The following AGPAT5 variants were observed in gnomAD, a reference collection of about 807,000 sequenced individuals.
AGPAT5 encodes the protein 1-acyl-sn-glycerol-3-phosphate acyltransferase epsilon.
In AGPAT5, 46 loss-of-function variants were observed where a neutral mutation model predicts 45.6. The ratio of observed to expected loss-of-function variants is 1.01; its 90% CI spans 0.80 to 1.29. The LOEUF (loss-of-function observed/expected upper bound fraction) is 1.29. Among genes scored for constraint, AGPAT5 ranks in the 50% most tolerant of loss-of-function variants. The pLI is 0.00. For missense variants in AGPAT5, 673 were observed against 450.7 expected (o/e 1.49, Z -4.47); for synonymous variants, 272 against 167.0 (o/e 1.63, Z -4.85).
At chr8:6,711,910 TC>T (rs1800167647) in intron 1 of AGPAT5, among the ~76,000 whole-genome samples, 1 of 152,222 alleles carries the variant, frequency 6.6e-6, no homozygotes, top group African/African-American at 2.4e-5. Flanking sequence ...ACCTGGATAT[TC>T]CGGGATGATC....
At chr8:6,743,352 C>G (rs1467204226) in intron 5 of AGPAT5, among the ~76,000 whole-genome samples, 1 of 152,210 alleles carries the variant, frequency 6.6e-6, no homozygotes, top group East Asian at 1.9e-4. Flanking sequence ...AACTCTGGAC[C>G]CATTTGTACA....
At chr8:6,736,498 A>C (rs1332685685) in intron 4 of AGPAT5, among the ~76,000 whole-genome samples, 1 of 152,206 alleles carries the variant, frequency 6.6e-6, no homozygotes, top group East Asian at 1.9e-4. Context: ...TCAGTGCCTA[A>C]AGTCTTGTCT....
At chr8:6,754,035 C>T (rs1372082862) in intron 6 of AGPAT5, among the ~76,000 whole-genome samples, 2 of 152,174 alleles carry the variant, frequency 1.3e-5, no homozygotes, top group African/African-American at 4.8e-5. Flanking sequence ...AACGCATTTT[C>T]AATTTGAGGC....
chr8:6,741,419 C>A (rs948630422), intron 4 of AGPAT5, among the ~76,000 whole-genome samples: 1 of 152,102 alleles, frequency 6.6e-6, no homozygotes, highest in African/African-American at 2.4e-5. Flanking sequence ...TTTTTAGATT[C>A]TTCATGGCTG....
chr8:6,749,181 A>G (rs1171181528), intron 6 of AGPAT5, among the ~76,000 whole-genome samples: 2 of 152,224 alleles, frequency 1.3e-5, no homozygotes, highest in African/African-American at 4.8e-5. Context: ...TTAAATAATG[A>G]TAAGATGAGG....
In AGPAT5 at chr8:6,757,472, T is replaced by A; in HGVS notation, c.*84T>A. The A allele has an allele frequency of 5.6e-6, 6 of 1,063,550 alleles. No individual in the cohort carries two copies. The highest frequency in any genetic ancestry group is 8.5e-6 in the Non-Finnish European group (6 of 704,916). 65.9% of individuals were successfully genotyped at this position (1,063,550 alleles called of 1,614,324 possible). ...CATGACATCAAATTGTTTCCTGAATTTATTAAGGAGTGTAAATAAAGCCTT... is the reference window on the plus strand; with the variant it reads ...CATGACATCAAATTGTTTCCTGAATATATTAAGGAGTGTAAATAAAGCCTT... On this transcript the variant is annotated 3_prime_UTR_variant, in exon 8 of 8. Coordinates refer to ENST00000285518, the MANE Select transcript of AGPAT5 (RefSeq NM_018361.5).
rs1280520192 is a variant in AGPAT5, at chr8:6,757,216, C to T, written c.923C>T (p.Pro308Leu). 1 of 1,614,090 alleles carries T rather than the reference C, an allele frequency of 6.2e-7. No individual in the cohort carries two copies. The highest frequency in any genetic ancestry group is 1.7e-5 in the Admixed American group (1 of 60,014). ...SPDPERRKRF[P>L]GKSVNSKLSI... ...GATCCAGAAAGAAGAAAAAGATTTCCTGGGAAAAGTGTTAATTCCAAATTA... is the reference window on the plus strand; with the variant it reads ...GATCCAGAAAGAAGAAAAAGATTTCTTGGGAAAAGTGTTAATTCCAAATTA... The change falls in exon 8 of 8, where the codon CCT (proline) becomes CTT (leucine). Residue 308 changes from proline (P) to leucine (L), a missense_variant. Physicochemically the swap from Pro to Leu is moderately conservative, Grantham distance 98 (BLOSUM62 -3). Coordinates refer to ENST00000285518, the MANE Select transcript of AGPAT5 (RefSeq NM_018361.5).
chr8:6,725,013 A>G, intron 2 of AGPAT5, 74 bp downstream of exon 2: 1 of 502,104 alleles, frequency 2.0e-6, no homozygotes, highest in East Asian at 4.0e-5. Context: ...CCGTTCTTAT[A>G]TTTAAATGAA....
intron 5 of AGPAT5, among the ~76,000 whole-genome samples, chr8:6,742,084 T>C (rs1423885129): frequency 6.6e-6 from 1 of 152,186 alleles, no homozygotes; most frequent in African/African-American, 2.4e-5. Context: ...GGAGCTTCTG[T>C]TTTGTAAGAT....
At chr8:6,726,649 A>AG (rs1323774262) in intron 2 of AGPAT5, among the ~76,000 whole-genome samples, 3 of 152,212 alleles carry the variant, frequency 2.0e-5, no homozygotes, top group Non-Finnish European at 4.4e-5. Context: ...ATTAAAAAAA[A>AG]CAATTCTGCA....
Position 6,732,597 on chromosome 8 carries a change from A to C in AGPAT5, c.442A>C (p.Asn148His). 1 of 1,611,204 alleles carries C rather than the reference A, an allele frequency of 6.2e-7. No homozygotes were observed. Among genetic ancestry groups the C allele is most frequent in the Non-Finnish European group, 8.5e-7 (1 of 1,179,272 alleles). ...GIYVKRSAKF[N>H]EKEMRNKLQS... is the part of the protein sequence containing the mutation. ...CTATGTAAAGCGCAGTGCCAAATTT[A>C]ACGAGAAAGAGATGCGAAACAAGTT... Residue 148 changes from asparagine to histidine, a missense_variant, in exon 4 of 8, where the codon AAC becomes CAC. Asn to His is a moderately conservative substitution (Grantham distance 68). Transcript: ENST00000285518.
At chr8:6,720,434 C>G (rs1401636926) in intron 1 of AGPAT5, among the ~76,000 whole-genome samples, 1 of 152,120 alleles carries the variant, frequency 6.6e-6, no homozygotes, top group Non-Finnish European at 1.5e-5. Context: ...GGGGCGTTAC[C>G]ACACACTTGA....
At chr8:6,709,468 T>G (rs561126285) in intron 1 of AGPAT5, 1 of 153,328 alleles carries the variant, frequency 6.5e-6, no homozygotes, top group Admixed American at 6.4e-5. Flanking sequence ...TTTCTGTTAC[T>G]GTTTCTCTGT....
At chr8:6,718,637 G>C (rs1048027614) in intron 1 of AGPAT5, among the ~76,000 whole-genome samples, 8 of 152,190 alleles carry the variant, frequency 5.3e-5, no homozygotes, top group African/African-American at 1.7e-4. Flanking sequence ...TCCATGGATA[G>C]CCCACTACTA....
At chr8:6,749,954 T>A (rs1801605582) in intron 6 of AGPAT5, among the ~76,000 whole-genome samples, 1 of 152,192 alleles carries the variant, frequency 6.6e-6, no homozygotes, top group African/African-American at 2.4e-5. Context: ...CTTCCTCCTG[T>A]GCTGTGCCGT....
At position 6,725,033 on chromosome 8, in the gene AGPAT5, T is replaced by C. The variant is rs764385986; in HGVS notation, c.289+94T>C. The C allele has an allele frequency of 4.4e-5, 18 of 405,802 alleles. 1 individual carries two copies. In the South Asian group the frequency reaches 8.6e-4, roughly 19 times the overall value. The allele number at this position is 405,802 out of a possible 1,614,324, so 25.1% of individuals were successfully genotyped here. ...CTTATATTTAAATGAAGTGGGTTTTTTAAAACAGCAATTTTCTGTGCAGAT... is the reference window on the plus strand; with the variant it reads ...CTTATATTTAAATGAAGTGGGTTTTCTAAAACAGCAATTTTCTGTGCAGAT... On this transcript the variant is annotated intron_variant, in intron 2 of 7. Coordinates refer to ENST00000285518, the MANE Select transcript of AGPAT5 (RefSeq NM_018361.5).
chr8:6,714,949 C>G (rs1800271640), intron 1 of AGPAT5, among the ~76,000 whole-genome samples: 1 of 152,144 alleles, frequency 6.6e-6, no homozygotes, highest in African/African-American at 2.4e-5. Context: ...ACTATTTTCT[C>G]ATTTTATTAT....
At chr8:6,752,432 G>A (rs1801686208) in intron 6 of AGPAT5, among the ~76,000 whole-genome samples, 1 of 152,088 alleles carries the variant, frequency 6.6e-6, no homozygotes, top group Non-Finnish European at 1.5e-5. Context: ...GTTATAAACA[G>A]CTGTACATGT....
intron 1 of AGPAT5, among the ~76,000 whole-genome samples, chr8:6,710,754 G>A (rs1468430372): frequency 6.6e-6 from 1 of 152,086 alleles, no homozygotes; most frequent in Non-Finnish European, 1.5e-5. Flanking sequence ...ATCAATAGAG[G>A]AATAAATAGC....
Sources: allele counts gnomAD v4.1 joint callset (sites outside exome capture counted in the v4.1 genomes callset), GRCh38; gene constraint gnomAD v4.1.1; transcripts MANE v1.5; gene names NCBI Gene and HGNC (gene_info 2026-07-23, HGNC 2026-07-21).